APBB2: variants seen among roughly 807,000 people sequenced by gnomAD.
APBB2 encodes amyloid beta precursor protein binding family B member 2, also known as Fe65-like 1.
APBB2 carries 38 observed loss-of-function variants against 82.5 expected under a neutral mutation model. The observed-to-expected ratio is 0.46, with a 90% CI of 0.36 to 0.60. The LOEUF is 0.60. APBB2 is among the 20% of genes least tolerant of loss of function. APBB2 has a pLI of 0.00. For missense variants in APBB2, 772 were observed against 972.3 expected (o/e 0.79, Z 2.74); for synonymous variants, 341 against 368.2 (o/e 0.93, Z 0.85).
chr4:41,189,694 G>A (rs1773877505), intron 1 of APBB2, among the ~76,000 whole-genome samples: 1 of 152,198 alleles, frequency 6.6e-6, no homozygotes, highest in Non-Finnish European at 1.5e-5. Context: ...GAAGTCATTA[G>A]CTAAGTATTC....
intron 1 of APBB2, among the ~76,000 whole-genome samples, chr4:41,147,465 T>G (rs74500169): frequency 0.018 from 2,717 of 150,700 alleles, 40 homozygotes; most frequent in Non-Finnish European, 0.027. Context: ...TTTGAGGATC[T>G]TCAATGTTTG....
Position 40,822,003 on chromosome 4 carries a change from G to A in APBB2, c.1980C>T (p.Phe660=). 1 of 1,614,158 alleles carries A rather than the reference G, an allele frequency of 6.2e-7. No individual in the cohort carries two copies. The highest frequency in any genetic ancestry group is 8.5e-7 in the Non-Finnish European group (1 of 1,180,036). ...LVECRVRFLS[F]MGVGKDVHTF... ...TGTGGACGTCCTTCCCAACACCCAT[G>A]AAGGACAGGAATCGCACACGACATT... Residue 660 remains phenylalanine (F), a synonymous_variant, in exon 17 of 18, where the codon TTC becomes TTT. Coordinates refer to ENST00000508593, the MANE Select transcript of APBB2 (RefSeq NM_004307.2).
intron 3 of APBB2, among the ~76,000 whole-genome samples, chr4:41,079,706 A>G (rs974629722): frequency 2.6e-5 from 4 of 152,046 alleles, no homozygotes; most frequent in African/African-American, 9.7e-5. Context: ...AGGCCATCAC[A>G]CCCAGCTAAT....
chr4:41,192,637 TG>T (rs1205178094), intron 1 of APBB2, among the ~76,000 whole-genome samples: 1 of 152,016 alleles, frequency 6.6e-6, no homozygotes, highest in African/African-American at 2.4e-5. Context: ...TGGAATGGAA[TG>T]GGGGAGGTGG....
At chr4:40,912,200 G>GGGCT (rs1344058908) in intron 10 of APBB2, among the ~76,000 whole-genome samples, 1 of 152,174 alleles carries the variant, frequency 6.6e-6, no homozygotes, top group African/African-American at 2.4e-5. Context: ...GTCTGACATA[G>GGGCT]GGCTGCTGTC....
chr4:41,109,153 A>C (rs2153978775), intron 2 of APBB2, among the ~76,000 whole-genome samples: 1 of 151,916 alleles, frequency 6.6e-6, no homozygotes, highest in South Asian at 2.1e-4. Flanking sequence ...TAATCCCGAC[A>C]CTCTAAGAGG....
chr4:41,102,465 T>C (rs1469596315), intron 2 of APBB2, among the ~76,000 whole-genome samples: 1 of 152,244 alleles, frequency 6.6e-6, no homozygotes, highest in African/African-American at 2.4e-5. Context: ...ATAACGCTTG[T>C]GTTTTTTCAA....
rs763192901 is a variant in APBB2 at position 40,821,956 on chromosome 4, G to T, written c.2027C>A (p.Thr676Lys). 1.5e-5 allele frequency: 24 copies of T among 1,614,022 alleles called. No individual in the cohort carries two copies. The Admixed American group carries it at 4.0e-4, about 27-fold the overall frequency. The change falls in exon 17 of 18, where the codon ACG (threonine) becomes AAG (lysine). Residue 676 changes from threonine to lysine, a missense_variant. Physicochemically the swap from Thr to Lys is moderately conservative, Grantham distance 78. Transcript: ENST00000508593. ...DVHTFAFIMD[T>K]GNQRFECHVF... ...GTGGCACTCAAAGCGCTGGTTCCCC[G>T]TGTCCATGATGAAGGCAAATGTGTG...
At chr4:41,039,527 T>C (rs1720537743) in intron 4 of APBB2, among the ~76,000 whole-genome samples, 1 of 152,312 alleles carries the variant, frequency 6.6e-6, no homozygotes, top group Non-Finnish European at 1.5e-5. Context: ...AGGCTGCTTG[T>C]TTTGCTTAGT....
intron 1 of APBB2, among the ~76,000 whole-genome samples, chr4:41,212,167 AAC>A (rs1779487232): frequency 6.6e-6 from 1 of 152,240 alleles, no homozygotes; most frequent in South Asian, 2.1e-4. Context: ...AGGAAAAGAA[AAC>A]AGTCATCAAA....
intron 10 of APBB2, among the ~76,000 whole-genome samples, chr4:40,916,747 A>G (rs969163862): frequency 1.3e-5 from 2 of 152,220 alleles, no homozygotes; most frequent in African/African-American, 4.8e-5. Flanking sequence ...GTGATCACAC[A>G]AAAACAAGGA....
chr4:41,081,813 T>C (rs1295906520), intron 3 of APBB2, among the ~76,000 whole-genome samples: 1 of 152,206 alleles, frequency 6.6e-6, no homozygotes, highest in East Asian at 1.9e-4. Flanking sequence ...AGAATTAAAA[T>C]TGCATTGATC....
intron 2 of APBB2, among the ~76,000 whole-genome samples, chr4:41,119,239 C>T (rs919721830): frequency 2.0e-5 from 3 of 151,728 alleles, no homozygotes; most frequent in Non-Finnish European, 4.4e-5. Flanking sequence ...AAGTGTAGTC[C>T]TATCGTCTTT....
chr4:41,043,175 C>T (rs1009103850), intron 4 of APBB2, among the ~76,000 whole-genome samples: 2 of 152,054 alleles, frequency 1.3e-5, no homozygotes, highest in African/African-American at 4.8e-5. Flanking sequence ...TGTGACAAAG[C>T]AAATTTTAGG....
At chr4:40,908,346 G>A (rs747691410) in intron 10 of APBB2, among the ~76,000 whole-genome samples, 15 of 152,138 alleles carry the variant, frequency 9.9e-5, no homozygotes, top group Admixed American at 2.0e-4. Context: ...ACAAACACAC[G>A]GTGGTGTATA....
intron 2 of APBB2, among the ~76,000 whole-genome samples, chr4:41,121,051 T>C (rs2153992367): frequency 6.6e-6 from 1 of 152,334 alleles, no homozygotes; most frequent in African/African-American, 2.4e-5. Flanking sequence ...ATGGTACTTC[T>C]GTGTCTTCAC....
chr4:41,147,105 T>C (rs2661666), intron 1 of APBB2, among the ~76,000 whole-genome samples: 149,623 of 152,350 alleles, frequency 0.98, 73,541 homozygotes, highest in East Asian at 1. Flanking sequence ...AACATTAATG[T>C]CTGCAGCAGG....
intron 6 of APBB2, among the ~76,000 whole-genome samples, chr4:41,001,411 G>C (rs1218064473): frequency 6.6e-6 from 1 of 152,172 alleles, no homozygotes; most frequent in Non-Finnish European, 1.5e-5. Flanking sequence ...ATAGGATAAA[G>C]ATCTACCTTT....
intron 2 of APBB2, among the ~76,000 whole-genome samples, chr4:41,118,377 T>C (rs1440457155): frequency 2.0e-5 from 3 of 152,138 alleles, no homozygotes; most frequent in Non-Finnish European, 4.4e-5. Context: ...GACTTCAATT[T>C]CTAAGCCTCC....
Sources: gnomAD v4.1 joint callset for allele counts (sites outside exome capture counted in the v4.1 genomes callset) on GRCh38, gnomAD v4.1.1 for gene constraint, MANE v1.5 for transcripts, NCBI Gene and HGNC (gene_info 2026-07-23, HGNC 2026-07-21) for gene names.